Variants in GPC6 observed in about 807,000 individuals in gnomAD.
The protein encoded by GPC6 is glypican-6.
Under a neutral mutation model 55.2 loss-of-function variants are expected in GPC6, and 14 were observed. That is an observed-to-expected ratio of 0.25 (90% confidence interval 0.17 to 0.40). The LOEUF is 0.40. Ranked by LOEUF, GPC6 falls within the 10% of genes least tolerant of loss-of-function variation. The pLI, the probability that GPC6 is intolerant of heterozygous loss-of-function variation, is 1.00. For synonymous variants in GPC6, 278 were observed against 259.6 expected (o/e 1.07, Z -0.68); for missense variants, 641 against 708.5 (o/e 0.90, Z 1.08).
intron 2 of GPC6, among the ~76,000 whole-genome samples, chr13:93,783,090 C>T (rs36020428): frequency 6.6e-6 from 1 of 152,146 alleles, no homozygotes; most frequent in East Asian, 1.9e-4. Flanking sequence ...TTCTCTTCCT[C>T]TGTTAGTTTG....
intron 2 of GPC6, among the ~76,000 whole-genome samples, chr13:93,695,693 T>A (rs552099575): frequency 6.6e-6 from 1 of 152,104 alleles, no homozygotes; most frequent in African/African-American, 2.4e-5. Context: ...GAAAAATGGA[T>A]ATTTAAAATA....
intron 6 of GPC6, among the ~76,000 whole-genome samples, chr13:94,348,974 T>C (rs1878412053): frequency 6.6e-6 from 1 of 152,216 alleles, no homozygotes; most frequent in Non-Finnish European, 1.5e-5. Flanking sequence ...AGAGTTGCAT[T>C]TATTTATTTT....
chr13:94,402,624 C>G (rs979131819), intron 8 of GPC6, among the ~76,000 whole-genome samples: 9 of 152,128 alleles, frequency 5.9e-5, no homozygotes, highest in African/African-American at 2.2e-4. Context: ...TTTCATACTG[C>G]TATAAAGAAC....
At chr13:93,775,256 C>T (rs1017738399) in intron 2 of GPC6, among the ~76,000 whole-genome samples, 1 of 152,194 alleles carries the variant, frequency 6.6e-6, no homozygotes, top group African/African-American at 2.4e-5. Flanking sequence ...CCTCCTGCCT[C>T]AGCCTCCCGA....
In GPC6 at chr13:93,297,177, G is replaced by C. The variant is rs374296236; in HGVS notation, c.160+69561G>C. 1.5e-4 allele frequency among the ~76,000 whole-genome samples: 23 copies of C among 152,296 alleles called. No homozygotes were observed. The East Asian group carries it at 1.9e-3, about 13-fold the overall frequency. ...ACCTTAAAATTAATTCAGTGAGACT[G>C]TTCTTCACAGCTAAAAGAACCTAAG... is the stretch of plus-strand genomic sequence containing the variant. On this transcript the variant is annotated intron_variant, in intron 1 of 8. Coordinates refer to ENST00000377047, the MANE Select transcript of GPC6 (RefSeq NM_005708.5).
At chr13:93,754,040 G>T (rs1288473359) in intron 2 of GPC6, among the ~76,000 whole-genome samples, 2 of 152,182 alleles carry the variant, frequency 1.3e-5, no homozygotes, top group African/African-American at 4.8e-5. Context: ...GAGTGAAGGG[G>T]TAGCAGGCGG....
At chr13:93,323,264 G>A (rs371539742) in intron 1 of GPC6, among the ~76,000 whole-genome samples, 55 of 152,152 alleles carry the variant, frequency 3.6e-4, no homozygotes, top group Admixed American at 1.0e-3. Context: ...AGAAATTTAC[G>A]ATAGCATCAT....
chr13:93,931,463 AG>A (rs1334828407), intron 3 of GPC6, among the ~76,000 whole-genome samples: 1 of 150,740 alleles, frequency 6.6e-6, no homozygotes, highest in African/African-American at 2.4e-5. Flanking sequence ...AAATTGTAAA[AG>A]ATCAGAAGGT....
chr13:93,925,557 A>AT (rs1877813187), intron 3 of GPC6, among the ~76,000 whole-genome samples: 1 of 152,204 alleles, frequency 6.6e-6, no homozygotes, highest in Non-Finnish European at 1.5e-5. Context: ...AAATTGTAGC[A>AT]TAAGTCCACA....
chr13:93,314,102 C>T (rs1390784248), intron 1 of GPC6, among the ~76,000 whole-genome samples: 1 of 152,038 alleles, frequency 6.6e-6, no homozygotes, highest in Non-Finnish European at 1.5e-5. Context: ...TCTAAGATGC[C>T]TTTTGTCATT....
chr13:93,232,858 T>G (rs1876107805), intron 1 of GPC6, among the ~76,000 whole-genome samples: 1 of 152,148 alleles, frequency 6.6e-6, no homozygotes, highest in African/African-American at 2.4e-5. Flanking sequence ...AACATTATAA[T>G]AAATTAATTG....
chr13:93,807,222 T>C (rs9516294), intron 2 of GPC6, among the ~76,000 whole-genome samples: 5,153 of 152,310 alleles, frequency 0.034, 120 homozygotes, highest in Non-Finnish European at 0.052. Flanking sequence ...ACAAGCAATT[T>C]AGAGGAACAA....
intron 4 of GPC6, among the ~76,000 whole-genome samples, chr13:94,174,270 GT>G (rs1291219712): frequency 7.2e-5 from 11 of 152,216 alleles, no homozygotes; most frequent in Non-Finnish European, 1.3e-4. Context: ...ACCTAGTTAG[GT>G]TTAATTAGGA....
In GPC6 at chr13:94,407,478, C is replaced by T. The variant is rs1881415906; in HGVS notation, c.*4261C>T. ...GCCATGGAATTTTTTGTGTTTGAGA[C>T]ATTTTTAGAAGCTTCAATATTAAAA... is the stretch of plus-strand genomic sequence containing the variant. On this transcript the variant is annotated 3_prime_UTR_variant, in exon 9 of 9. Coordinates refer to ENST00000377047, the MANE Select transcript of GPC6 (RefSeq NM_005708.5). The T allele has an allele frequency of 6.6e-6, 1 of 152,032 alleles. No homozygotes were observed. The highest frequency in any genetic ancestry group is 2.1e-4 in the South Asian group (1 of 4,820). The allele number at this position is 152,032 out of a possible 1,614,324, so 9.4% of individuals were successfully genotyped here.
chr13:93,918,088 C>T (rs79042074), intron 3 of GPC6, among the ~76,000 whole-genome samples: 4,909 of 132,416 alleles, frequency 0.037, 84 homozygotes, highest in Middle Eastern at 0.069. Flanking sequence ...CATAGAGAGA[C>T]TCCGTCAAAA....
At chr13:93,535,807 A>G (rs186123266) in intron 1 of GPC6, among the ~76,000 whole-genome samples, 6 of 152,174 alleles carry the variant, frequency 3.9e-5, no homozygotes, top group East Asian at 1.9e-4. Context: ...CTACACTTCA[A>G]TGTTTCAGTT....
At chr13:93,822,357 C>A (rs1190664637) in intron 2 of GPC6, among the ~76,000 whole-genome samples, 6 of 152,030 alleles carry the variant, frequency 3.9e-5, no homozygotes, top group Non-Finnish European at 8.8e-5. Context: ...GAAAATATAC[C>A]AATCCCAGAG....
intron 2 of GPC6, among the ~76,000 whole-genome samples, chr13:93,757,872 A>G (rs553752361): frequency 3.3e-5 from 5 of 152,306 alleles, no homozygotes; most frequent in Non-Finnish European, 7.4e-5. Context: ...CTTATATAGG[A>G]AAAGAAAACA....
chr13:93,770,685 G>C (rs1408471232), intron 2 of GPC6, among the ~76,000 whole-genome samples: 1 of 152,106 alleles, frequency 6.6e-6, no homozygotes, highest in Non-Finnish European at 1.5e-5. Flanking sequence ...TTCCTCAGTA[G>C]TGTCTATTCC....
Sources: allele counts gnomAD v4.1 joint callset (sites outside exome capture counted in the v4.1 genomes callset), GRCh38; gene constraint gnomAD v4.1.1; transcripts MANE v1.5; gene names NCBI Gene and HGNC (gene_info 2026-07-23, HGNC 2026-07-21).